SYNPR: variants seen among roughly 807,000 people sequenced by gnomAD.
The protein encoded by SYNPR is synaptoporin.
A neutral mutation model predicts 32.9 loss-of-function variants in SYNPR; 23 were observed. The observed-to-expected ratio is 0.70, with a 90% confidence interval of 0.50 to 0.99. The LOEUF (loss-of-function observed/expected upper bound fraction) is 0.99, where lower values mean the gene tolerates loss of function less well. Among genes scored for constraint, SYNPR ranks in the 50% least tolerant of loss-of-function variants. The pLI is 0.00. For synonymous variants in SYNPR, 146 were observed against 135.9 expected, an observed-to-expected ratio of 1.07 and a Z score of -0.52; for missense variants, 318 against 349.3, an observed-to-expected ratio of 0.91 and a Z score of 0.71.
chr3:63,229,487 T>G (rs1260234161), intron 1 of SYNPR, among the ~76,000 whole-genome samples: 1 of 152,154 alleles, frequency 6.6e-6, no homozygotes, highest in Non-Finnish European at 1.5e-5. Context: ...GAGCTAATTA[T>G]CTTCTATTCA....
chr3:63,458,744 G>C (rs905854877), intron 2 of SYNPR, among the ~76,000 whole-genome samples: 1 of 152,040 alleles, frequency 6.6e-6, no homozygotes, highest in Non-Finnish European at 1.5e-5. Flanking sequence ...TCATCTCTAT[G>C]AGTCCAATCT....
intron 2 of SYNPR, among the ~76,000 whole-genome samples, chr3:63,302,951 G>A (rs1352449832): frequency 6.6e-6 from 1 of 151,706 alleles, no homozygotes; most frequent in Admixed American, 6.6e-5. Context: ...TTAAGGTGAT[G>A]GATATCCCAA....
At chr3:63,605,606 C>A (rs770842161) in intron 4 of SYNPR, among the ~76,000 whole-genome samples, 1 of 152,124 alleles carries the variant, frequency 6.6e-6, no homozygotes, top group Non-Finnish European at 1.5e-5. Flanking sequence ...AAGATACAAG[C>A]AAGTAAATAT....
At chr3:63,407,691 C>G (rs1478783727) in intron 2 of SYNPR, among the ~76,000 whole-genome samples, 1 of 152,000 alleles carries the variant, frequency 6.6e-6, no homozygotes, top group East Asian at 1.9e-4. Flanking sequence ...AGAAATTATT[C>G]CCTTGAGAGG....
the SYNPR span, among the ~76,000 whole-genome samples, chr3:63,204,544 T>C: frequency 6.6e-6 from 1 of 152,194 alleles, no homozygotes; most frequent in African/African-American, 2.4e-5. Context: ...ACTTCAACTA[T>C]CTTTTTAGAG....
At chr3:63,350,233 CACACACACAT>C (rs1008829220) in intron 2 of SYNPR, among the ~76,000 whole-genome samples, 9 of 145,896 alleles carry the variant, frequency 6.2e-5, no homozygotes, top group South Asian at 2.1e-4. Flanking sequence ...CACACACACA[CACACACACAT>C]ACAAACACAA....
At chr3:63,290,841 C>A (rs1271980841) in intron 2 of SYNPR, among the ~76,000 whole-genome samples, 1 of 152,158 alleles carries the variant, frequency 6.6e-6, no homozygotes, top group Non-Finnish European at 1.5e-5. Context: ...ACAGGAAGTT[C>A]TCACTCATCC....
At chr3:63,278,229 G>C (rs1002427161), upstream of SYNPR, 45 of 350,422 alleles carry the variant, frequency 1.3e-4, no homozygotes, top group Middle Eastern at 3.8e-3. Flanking sequence ...AGCGCGGCTG[G>C]CCAATGACAG....
intron 2 of SYNPR, among the ~76,000 whole-genome samples, chr3:63,253,101 A>G (rs771486561): frequency 4.6e-5 from 7 of 152,068 alleles, no homozygotes; most frequent in Non-Finnish European, 1.0e-4. Flanking sequence ...AACCACTGAA[A>G]ATATTTGGCA....
chr3:63,444,614 T>A (rs1301020686), intron 2 of SYNPR, among the ~76,000 whole-genome samples: 1 of 152,140 alleles, frequency 6.6e-6, no homozygotes, highest in African/African-American at 2.4e-5. Flanking sequence ...CTAGGGCTCG[T>A]AGGCATAGAT....
intron 4 of SYNPR, among the ~76,000 whole-genome samples, chr3:63,607,958 T>C (rs1206699305): frequency 6.6e-6 from 1 of 152,138 alleles, no homozygotes; most frequent in Non-Finnish European, 1.5e-5. Context: ...ATTTTCTACT[T>C]GAGGAGGTTA....
intron 2 of SYNPR, among the ~76,000 whole-genome samples, chr3:63,412,624 G>A (rs2088482096): frequency 6.6e-6 from 1 of 152,142 alleles, no homozygotes; most frequent in South Asian, 2.1e-4. Flanking sequence ...GGGATGAGTT[G>A]TATTCTAGGA....
rs555707088 is a variant in SYNPR at position 63,320,713 on chromosome 3, G to A, written c.84+41971G>A. On this transcript the variant is annotated intron_variant, in intron 2 of 5. Transcript: ENST00000478300. ...TAGAACTCTCAGACCCTAACAGTTC[G>A]TTTGTACATTTCAGAAACTGTGATT... Among the ~76,000 whole-genome samples, 127 of 152,082 alleles carry A rather than the reference G, an allele frequency of 8.4e-4. 1 individual carries two copies. Among genetic ancestry groups the A allele is most frequent in the African/African-American group, 2.6e-3 (109 of 41,538 alleles).
intron 2 of SYNPR, among the ~76,000 whole-genome samples, chr3:63,321,030 G>A (rs1365735472): frequency 6.6e-6 from 1 of 152,052 alleles, no homozygotes; most frequent in Admixed American, 6.6e-5. Context: ...ACAACAAGGA[G>A]CATTCATTTG....
At chr3:63,611,948 T>A (rs778967192) in intron 5 of SYNPR, among the ~76,000 whole-genome samples, 1 of 152,106 alleles carries the variant, frequency 6.6e-6, no homozygotes, top group Non-Finnish European at 1.5e-5. Context: ...GGTTTTGGAG[T>A]AGGAGGCATA....
At chr3:63,572,182 ATCTT>A (rs1162335366) in intron 4 of SYNPR, among the ~76,000 whole-genome samples, 1 of 152,084 alleles carries the variant, frequency 6.6e-6, no homozygotes, top group Non-Finnish European at 1.5e-5. Context: ...TTAACTCGAA[ATCTT>A]TCTAATTGAG....
At chr3:63,476,152 AGGGAGGGAGGG>A (rs1700905433) in intron 2 of SYNPR, among the ~76,000 whole-genome samples, 2 of 22,936 alleles carry the variant, frequency 8.7e-5, no homozygotes, top group East Asian at 2.9e-3. Flanking sequence ...GAAGGAAGGG[AGGGAGGGAGGG>A]AGGGAGGGAG....
chr3:63,206,927 T>A, the SYNPR span, among the ~76,000 whole-genome samples: 2 of 152,304 alleles, frequency 1.3e-5, no homozygotes, highest in East Asian at 3.9e-4. Context: ...GTTATGGCTA[T>A]TATCTTGCTC....
Position 63,401,845 on chromosome 3 carries a change from G to A in SYNPR, c.85-78987G>A, listed in dbSNP as rs188181558. ...AAACAGCTGCTACCAATCTAATGAA[G>A]TGGTAGTGCAGGATGAACCCAATTT... On this transcript the variant is annotated intron_variant, in intron 2 of 5. Coordinates refer to ENST00000478300, the MANE Select transcript of SYNPR (RefSeq NM_001130003.2). Among the ~76,000 whole-genome samples, 778 of 152,284 alleles carry A rather than the reference G, an allele frequency of 5.1e-3. 5 individuals are homozygous for A. Among genetic ancestry groups the A allele is most frequent in the South Asian group, 0.012 (59 of 4,818 alleles).
Sources: gnomAD v4.1 joint callset for allele counts (sites outside exome capture counted in the v4.1 genomes callset) on GRCh38, gnomAD v4.1.1 for gene constraint, MANE v1.5 for transcripts, NCBI Gene and HGNC (gene_info 2026-07-23, HGNC 2026-07-21) for gene names.